HS1BP3: variants seen among roughly 807,000 people sequenced by gnomAD.
HS1BP3 encodes HCLS1 binding protein 3.
In HS1BP3, 32 loss-of-function variants were observed where a neutral mutation model predicts 33.5. The observed-to-expected ratio is 0.95, with a 90% CI of 0.72 to 1.28. The LOEUF (loss-of-function observed/expected upper bound fraction) is 1.28, where lower values mean the gene tolerates loss of function less well. HS1BP3 is among the 50% of genes most tolerant of loss of function. The pLI is 0.00. For missense variants in HS1BP3, 486 were observed against 502.3 expected (o/e 0.97, Z 0.31); for synonymous variants, 187 against 209.2 (o/e 0.89, Z 0.92).
chr2:20,628,383 T>C (rs2033639), intron 4 of HS1BP3, among the ~76,000 whole-genome samples: 50,110 of 151,816 alleles, frequency 0.33, 8,618 homozygotes, highest in East Asian at 0.59. Flanking sequence ...GAATAAAATA[T>C]GAAAAGTGCT....
intron 5 of HS1BP3, among the ~76,000 whole-genome samples, chr2:20,581,831 G>A (rs1192723542): frequency 6.6e-6 from 1 of 152,174 alleles, no homozygotes; most frequent in African/African-American, 2.4e-5. Flanking sequence ...GCTGTATGCT[G>A]GGGGCCCTAG....
Position 20,645,442 on chromosome 2 carries a change from G to C in HS1BP3, c.96C>G (p.Gly32=). ...LTVPQHQEVR[G]KMMSGHVEYQ... ...ACTCCACGTGTCCAGACATCATCTT[G>C]CCCCGTACCTCCTGGTGCTGGGGCA... is the stretch of plus-strand genomic sequence containing the variant. Residue 32 remains glycine (G), a synonymous_variant, in exon 2 of 7, where the codon GGC becomes GGG. Coordinates refer to ENST00000304031, the MANE Select transcript of HS1BP3 (RefSeq NM_022460.4). 6.2e-7 allele frequency: 1 copy of C among 1,614,108 alleles called. No homozygotes were observed. Among genetic ancestry groups the C allele is most frequent in the Non-Finnish European group, 8.5e-7 (1 of 1,180,022 alleles).
At chr2:20,597,919 C>G (rs992935570) in intron 3 of HS1BP3, among the ~76,000 whole-genome samples, 4 of 152,102 alleles carry the variant, frequency 2.6e-5, no homozygotes, top group African/African-American at 9.7e-5. Context: ...CCGGCTGCCT[C>G]CTTATCGAAG....
intron 2 of HS1BP3, among the ~76,000 whole-genome samples, chr2:20,612,676 A>T (rs1001722893): frequency 1.3e-5 from 2 of 152,194 alleles, no homozygotes; most frequent in Non-Finnish European, 2.9e-5. Context: ...ATATTCCATT[A>T]TATGGATTTA....
At chr2:20,555,096 C>T in the HS1BP3 span, among the ~76,000 whole-genome samples, 2 of 152,258 alleles carry the variant, frequency 1.3e-5, no homozygotes, top group Non-Finnish European at 2.9e-5. Flanking sequence ...CTGTGCTTCC[C>T]TCGCAATCCA....
intron 5 of HS1BP3, among the ~76,000 whole-genome samples, chr2:20,570,287 A>G (rs184963520): frequency 3.0e-3 from 455 of 152,320 alleles, no homozygotes; most frequent in African/African-American, 0.01. Flanking sequence ...TTCCAACTTT[A>G]TAGAATGCTA....
intron 3 of HS1BP3, 28 bp from the exon 4 acceptor site, chr2:20,638,680 C>T: frequency 6.3e-7 from 1 of 1,577,972 alleles, no homozygotes; most frequent in Non-Finnish European, 8.7e-7. Context: ...AAAGAATGGA[C>T]TTGGTAACCA....
intron 3 of HS1BP3, 101 bp from the exon 4 acceptor site, chr2:20,638,753 G>T (rs1221250404): frequency 5.4e-6 from 5 of 917,932 alleles, no homozygotes; most frequent in African/African-American, 1.7e-5. Context: ...CTGAGGCCGA[G>T]GGCTTCCTGC....
At chr2:20,631,479 T>C (rs1694964866) in intron 4 of HS1BP3, among the ~76,000 whole-genome samples, 1 of 119,778 alleles carries the variant, frequency 8.3e-6, no homozygotes, top group Non-Finnish European at 1.6e-5. Context: ...CACACACCAC[T>C]ATACTCCAGC....
downstream of HS1BP3, among the ~76,000 whole-genome samples, chr2:20,617,280 G>T (rs928381210): frequency 1.3e-5 from 2 of 152,196 alleles, no homozygotes; most frequent in Non-Finnish European, 1.5e-5. Context: ...TGCAGGGCCC[G>T]GGGCTGAGTG....
rs1023743929 is a variant in HS1BP3, at chr2:20,619,152, C to T, written c.1014G>A (p.Pro338=). ...GAACAGCTGGTTTTCTGGGTATCAC[C>T]GGCTTAGCTGCCACTGGTGGCTTGG... ...LKPKPPVAAK[P]VIPRKPAVPP... The change falls in exon 7 of 7, where the codon CCG becomes CCA. Residue 338 remains proline, a synonymous_variant. Transcript: ENST00000304031. 26 of 1,614,038 alleles carry T rather than the reference C, an allele frequency of 1.6e-5. No individual in the cohort carries two copies. Among genetic ancestry groups the T allele is most frequent in the Non-Finnish European group, 1.8e-5 (21 of 1,180,022 alleles).
At chr2:20,608,767 TG>T (rs748468776) in intron 2 of HS1BP3, among the ~76,000 whole-genome samples, 11 of 152,130 alleles carry the variant, frequency 7.2e-5, no homozygotes, top group South Asian at 4.1e-4. Flanking sequence ...CTCCAGCCTT[TG>T]CCACACTCAC....
rs1318500467 is a variant in HS1BP3, at chr2:20,612,474, CTG to C, written c.178+11420_178+11421del. On this transcript the variant is annotated intron_variant, in intron 2 of 3. Coordinates refer to the HS1BP3 transcript ENST00000415264. ...GATTCTTTGTGCCCTTTTGCAGTCA[CTG>C]TTAGTTCCAACCTCTGCTTGAAGCA... is the stretch of plus-strand genomic sequence containing the variant. 6.6e-5 allele frequency among the ~76,000 whole-genome samples: 10 copies of C among 152,332 alleles called. No homozygotes were observed. The East Asian group carries it at 1.9e-3, about 29-fold the overall frequency.
At chr2:20,564,029 G>A (rs1024948904) in intron 5 of HS1BP3, among the ~76,000 whole-genome samples, 3 of 152,194 alleles carry the variant, frequency 2.0e-5, no homozygotes, top group African/African-American at 2.4e-5. Flanking sequence ...CCAGGAGGAC[G>A]GGAATAGGAA....
chr2:20,618,830 GA>G lies in HS1BP3; in HGVS notation c.*156del. The G allele has an allele frequency of 7.0e-7, 1 of 1,422,554 alleles. No individual in the cohort carries two copies. The highest frequency in any genetic ancestry group is 9.2e-7 in the Non-Finnish European group (1 of 1,092,824). The allele number at this position is 1,422,554 out of a possible 1,614,324, so 88.1% of individuals were successfully genotyped here. A position where few individuals can be genotyped will look rare whatever the true frequency, so the allele number is the denominator to read the frequency against. ...TCTACTTTGGCCCCACAGCCCCGGA[GA>G]AAATGGAACCATGCAGTTCTGGGTG... On this transcript the variant is annotated 3_prime_UTR_variant, in exon 7 of 7. Transcript: ENST00000304031.
Position 20,641,249 on chromosome 2 carries a change from C to T in HS1BP3, c.199-69G>A. 5 of 1,404,912 alleles carry T rather than the reference C, an allele frequency of 3.6e-6. 1 individual carries two copies. The South Asian group carries it at 5.0e-5, about 14-fold the overall frequency. 87.0% of individuals were successfully genotyped at this position (1,404,912 alleles called of 1,614,324 possible). A position where few individuals can be genotyped will look rare whatever the true frequency, so the allele number is the denominator to read the frequency against. Reference sequence around the variant, plus strand: ...GGCAGTGCTCCTTTCTCACCCCGACCAGGGGTTCCCAAGGCCCAGCAGCCA... The same window carrying T: ...GGCAGTGCTCCTTTCTCACCCCGACTAGGGGTTCCCAAGGCCCAGCAGCCA... On this transcript the variant is annotated intron_variant, in intron 2 of 6. Transcript: ENST00000304031.
chr2:20,644,626 C>G (rs1031896077), intron 2 of HS1BP3, among the ~76,000 whole-genome samples: 1 of 152,208 alleles, frequency 6.6e-6, no homozygotes, highest in Admixed American at 6.5e-5. Context: ...CCTTTCCCTT[C>G]CATACCAAGT....
At chr2:20,648,063 T>G (rs557405784) in intron 1 of HS1BP3, among the ~76,000 whole-genome samples, 1 of 152,184 alleles carries the variant, frequency 6.6e-6, no homozygotes, top group Non-Finnish European at 1.5e-5. Flanking sequence ...AGGCCAACCT[T>G]CTACCAGGGC....
intron 2 of HS1BP3, among the ~76,000 whole-genome samples, chr2:20,644,776 G>A (rs911614608): frequency 6.6e-5 from 10 of 152,046 alleles, no homozygotes; most frequent in South Asian, 2.1e-4. Context: ...AAGGGTCCAC[G>A]TCACTCCCCT....
Sources: gnomAD v4.1 joint callset for allele counts (sites outside exome capture counted in the v4.1 genomes callset) on GRCh38, gnomAD v4.1.1 for gene constraint, MANE v1.5 for transcripts, NCBI Gene and HGNC (gene_info 2026-07-23, HGNC 2026-07-21) for gene names.